The following ARHGAP26 variants were observed in gnomAD, a reference collection of about 807,000 sequenced individuals.
ARHGAP26 encodes rho GTPase-activating protein 26.
Under a neutral mutation model 104.8 loss-of-function variants are expected in ARHGAP26, and 38 were observed. That is an observed-to-expected ratio of 0.36 (90% CI 0.28 to 0.48). The LOEUF (loss-of-function observed/expected upper bound fraction) is 0.48. Ranked by LOEUF, ARHGAP26 falls within the 20% of genes least tolerant of loss-of-function variation. ARHGAP26 has a pLI of 0.99. For synonymous variants in ARHGAP26, 341 were observed against 340.0 expected (o/e 1.00, Z -0.03); for missense variants, 704 against 947.9 (o/e 0.74, Z 3.38).
At chr5:142,878,930 G>A (rs1279080020) in intron 3 of ARHGAP26, among the ~76,000 whole-genome samples, 1 of 152,078 alleles carries the variant, frequency 6.6e-6, no homozygotes, top group East Asian at 1.9e-4. Context: ...AGCTTGGAAG[G>A]TTTTTATGCC....
At chr5:143,141,705 C>T (rs183845734) in intron 19 of ARHGAP26, among the ~76,000 whole-genome samples, 17 of 152,292 alleles carry the variant, frequency 1.1e-4, no homozygotes, top group South Asian at 2.1e-4. Flanking sequence ...TGTAAGTTAA[C>T]GGGAAACCAA....
At chr5:142,873,314 T>G (rs1199697672) in intron 1 of ARHGAP26, 86 bp from the exon 2 acceptor site, 7 of 939,372 alleles carry the variant, frequency 7.5e-6, no homozygotes, top group African/African-American at 1.7e-5. Flanking sequence ...TCCTAAGATA[T>G]TCCTAGAAGG....
intron 14 of ARHGAP26, among the ~76,000 whole-genome samples, chr5:143,050,994 G>T (rs1280617052): frequency 6.6e-6 from 1 of 152,164 alleles, no homozygotes; most frequent in African/African-American, 2.4e-5. Flanking sequence ...AGAAGGGACT[G>T]TTAGAGATAG....
intron 17 of ARHGAP26, among the ~76,000 whole-genome samples, chr5:143,063,610 TTTG>T (rs764000066): frequency 6.6e-6 from 1 of 152,220 alleles, no homozygotes; most frequent in Non-Finnish European, 1.5e-5. Context: ...CTCATGAATA[TTTG>T]TTGGGCAAAT....
chr5:143,141,124 G>A (rs1798473451), intron 19 of ARHGAP26, among the ~76,000 whole-genome samples: 2 of 152,226 alleles, frequency 1.3e-5, no homozygotes, highest in Admixed American at 1.3e-4. Context: ...CAGAAGGTGT[G>A]TAATGTGTTT....
At chr5:143,069,629 T>G (rs918245302) in intron 17 of ARHGAP26, among the ~76,000 whole-genome samples, 1 of 152,204 alleles carries the variant, frequency 6.6e-6, no homozygotes, top group East Asian at 1.9e-4. Context: ...AAGGAAAAAT[T>G]GGATGCCATC....
chr5:142,877,052 T>A (rs1327145938), intron 3 of ARHGAP26, among the ~76,000 whole-genome samples: 1 of 151,988 alleles, frequency 6.6e-6, no homozygotes, highest in Non-Finnish European at 1.5e-5. Context: ...GGGGTGGGGG[T>A]GTGGCAAGCA....
intron 5 of ARHGAP26, among the ~76,000 whole-genome samples, chr5:142,888,725 G>T (rs571628450): frequency 1.3e-5 from 2 of 152,152 alleles, no homozygotes; most frequent in Non-Finnish European, 2.9e-5. Flanking sequence ...TTTTTGAATG[G>T]TAAAAAAGCT....
intron 17 of ARHGAP26, among the ~76,000 whole-genome samples, chr5:143,062,023 G>C (rs1378334530): frequency 1.3e-5 from 2 of 152,166 alleles, no homozygotes; most frequent in Admixed American, 1.3e-4. Flanking sequence ...TGGGAGGATT[G>C]GATATCAGAA....
At chr5:142,869,208 CTTTT>C (rs1262754470) in intron 1 of ARHGAP26, among the ~76,000 whole-genome samples, 2 of 137,206 alleles carry the variant, frequency 1.5e-5, no homozygotes, top group Non-Finnish European at 1.6e-5. Context: ...TTTCTTTTTT[CTTTT>C]TTTTTTTTTT....
intron 11 of ARHGAP26, among the ~76,000 whole-genome samples, chr5:142,980,775 G>A (rs982597839): frequency 1.3e-5 from 2 of 152,134 alleles, no homozygotes; most frequent in African/African-American, 4.8e-5. Context: ...GATCATAAGG[G>A]ACACAAATCT....
chr5:143,065,476 G>A (rs1787349700), intron 17 of ARHGAP26, among the ~76,000 whole-genome samples: 1 of 152,216 alleles, frequency 6.6e-6, no homozygotes. Flanking sequence ...GGGCATAAGA[G>A]CACAGTGGTG....
intron 17 of ARHGAP26, among the ~76,000 whole-genome samples, chr5:143,084,854 G>A (rs1790328680): frequency 6.6e-6 from 1 of 152,004 alleles, no homozygotes; most frequent in South Asian, 2.1e-4. Flanking sequence ...AGACCATCCT[G>A]GCCAACGTGG....
intron 17 of ARHGAP26, among the ~76,000 whole-genome samples, chr5:143,082,607 A>G (rs1260349237): frequency 6.6e-6 from 1 of 152,214 alleles, no homozygotes; most frequent in Non-Finnish European, 1.5e-5. Flanking sequence ...TCACACTGCT[A>G]CCAAGTTTCA....
chr5:143,217,476 A>G (rs1004081283), intron 22 of ARHGAP26, among the ~76,000 whole-genome samples: 4 of 152,220 alleles, frequency 2.6e-5, no homozygotes, highest in Non-Finnish European at 4.4e-5. Flanking sequence ...AAGCAGCATG[A>G]TTCGTGATAC....
chr5:142,949,029 T>G (rs1233862688), intron 11 of ARHGAP26, among the ~76,000 whole-genome samples: 2 of 150,988 alleles, frequency 1.3e-5, no homozygotes, highest in African/African-American at 4.9e-5. Flanking sequence ...CGCTTGAACC[T>G]GGGGGGCGGA....
intron 11 of ARHGAP26, among the ~76,000 whole-genome samples, chr5:142,980,198 G>A (rs1056405194): frequency 2.0e-5 from 3 of 152,090 alleles, no homozygotes; most frequent in African/African-American, 7.2e-5. Context: ...TATAATACCT[G>A]TGAGACTCAT....
intron 9 of ARHGAP26, among the ~76,000 whole-genome samples, chr5:142,910,331 G>A (rs1172217703): frequency 3.9e-5 from 6 of 152,112 alleles, no homozygotes; most frequent in Admixed American, 1.3e-4. Context: ...TTCCCATGAC[G>A]TCACTATTTC....
intron 20 of ARHGAP26, among the ~76,000 whole-genome samples, chr5:143,187,442 T>C (rs1180216227): frequency 6.6e-6 from 1 of 152,212 alleles, no homozygotes; most frequent in Non-Finnish European, 1.5e-5. Flanking sequence ...TTTCAACAGC[T>C]TCTAGGGCAA....
Sources: gnomAD v4.1 joint callset for allele counts (sites outside exome capture counted in the v4.1 genomes callset) on GRCh38, gnomAD v4.1.1 for gene constraint, MANE v1.5 for transcripts, NCBI Gene and HGNC (gene_info 2026-07-23, HGNC 2026-07-21) for gene names.